The following SETD7 variants were observed in gnomAD, a reference collection of about 807,000 sequenced individuals.
SETD7 encodes histone-lysine N-methyltransferase SETD7.
In SETD7, 16 loss-of-function variants were observed where a neutral mutation model predicts 41.8. That is an observed-to-expected ratio of 0.38 (90% CI 0.26 to 0.58). The LOEUF is 0.58. Ranked by LOEUF, SETD7 falls within the 20% of genes least tolerant of loss-of-function variation. The probability of loss-of-function intolerance (pLI) is 0.64; values close to 1 mark genes in which losing one functional copy is unlikely to be tolerated. For missense variants in SETD7, 346 were observed against 459.7 expected (o/e 0.75, Z 2.26); for synonymous variants, 163 against 169.7 (o/e 0.96, Z 0.31).
intron 4 of SETD7, among the ~76,000 whole-genome samples, chr4:139,528,672 T>C (rs1257983633): frequency 6.6e-6 from 1 of 152,220 alleles, no homozygotes; most frequent in Non-Finnish European, 1.5e-5. Flanking sequence ...TATCTGCTTA[T>C]GCTCTGACAC....
At chr4:139,549,756 C>T (rs993503379) in intron 1 of SETD7, among the ~76,000 whole-genome samples, 40 of 152,018 alleles carry the variant, frequency 2.6e-4, no homozygotes, top group African/African-American at 8.9e-4. Flanking sequence ...AGGTAGACAT[C>T]ACCACAACTG....
At chr4:139,504,293 G>A (rs1726651976), downstream of SETD7, among the ~76,000 whole-genome samples, 1 of 152,042 alleles carries the variant, frequency 6.6e-6, no homozygotes, top group Admixed American at 6.6e-5. Flanking sequence ...CCTGGCTTTT[G>A]GTTTTTGTAA....
intron 3 of SETD7, among the ~76,000 whole-genome samples, chr4:139,531,187 TA>T (rs1321955720): frequency 6.6e-6 from 1 of 152,196 alleles, no homozygotes; most frequent in Non-Finnish European, 1.5e-5. Context: ...TTTAATATGA[TA>T]ATCAAGGCTA....
At chr4:139,537,797 T>C (rs1579218786) in intron 2 of SETD7, among the ~76,000 whole-genome samples, 1 of 152,370 alleles carries the variant, frequency 6.6e-6, no homozygotes, top group Non-Finnish European at 1.5e-5. Flanking sequence ...AGCATTCTTA[T>C]ATGAATTCGA....
Position 139,510,027 on chromosome 4 carries a change from T to C in SETD7, c.*1636A>G. 1 of 263,786 alleles carries C rather than the reference T, an allele frequency of 3.8e-6. No individual in the cohort carries two copies. Among genetic ancestry groups the C allele is most frequent in the Non-Finnish European group, 5.9e-6 (1 of 170,024 alleles). 16.3% of individuals were successfully genotyped at this position (263,786 alleles called of 1,614,324 possible). ...CAAGGGCCACCTGAAATGAAAGTCA[T>C]GAGCAGCCTGGGATTAAGCACTTTT... On this transcript the variant is annotated 3_prime_UTR_variant, in exon 8 of 8. Coordinates refer to ENST00000274031, the MANE Select transcript of SETD7 (RefSeq NM_030648.4).
chr4:139,502,402 G>A (rs143851253), downstream of SETD7, among the ~76,000 whole-genome samples: 23 of 152,324 alleles, frequency 1.5e-4, no homozygotes, highest in Non-Finnish European at 2.9e-4. Context: ...GGTGGTCAAT[G>A]AAGTCCTCAT....
At position 139,553,240 on chromosome 4, in the gene SETD7, A is replaced by G. The variant is rs75638892; in HGVS notation, c.40+2858T>C. Among the ~76,000 whole-genome samples, 468 of 152,334 alleles carry G rather than the reference A, an allele frequency of 3.1e-3. 3 individuals are homozygous for G. The highest frequency in any genetic ancestry group is 0.011 in the African/African-American group (441 of 41,584). Reference sequence around the variant, plus strand: ...AGAGAACCAAATGCACATGATATATAAGACATTTAAACTCAATCCTGAAGA... The same window carrying G: ...AGAGAACCAAATGCACATGATATATGAGACATTTAAACTCAATCCTGAAGA... On this transcript the variant is annotated intron_variant, in intron 1 of 7. Coordinates refer to ENST00000274031, the MANE Select transcript of SETD7 (RefSeq NM_030648.4).
At chr4:139,542,989 T>C (rs773073512) in intron 2 of SETD7, among the ~76,000 whole-genome samples, 1 of 152,248 alleles carries the variant, frequency 6.6e-6, no homozygotes, top group Non-Finnish European at 1.5e-5. Flanking sequence ...CACTGTGATT[T>C]TCCTTGTCTC....
chr4:139,554,213 C>T (rs1165106455), intron 1 of SETD7, among the ~76,000 whole-genome samples: 1 of 152,196 alleles, frequency 6.6e-6, no homozygotes, highest in Non-Finnish European at 1.5e-5. Flanking sequence ...CATAATTACC[C>T]TATAAAACAA....
intron 2 of SETD7, among the ~76,000 whole-genome samples, chr4:139,536,694 A>G (rs1418773195): frequency 6.6e-6 from 1 of 151,304 alleles, no homozygotes; most frequent in East Asian, 2.0e-4. Flanking sequence ...CCTGGGTGAC[A>G]GCGAGACTCT....
At chr4:139,500,101 G>A (rs1314901069) in intron 7 of SETD7, among the ~76,000 whole-genome samples, 1 of 152,120 alleles carries the variant, frequency 6.6e-6, no homozygotes, top group Admixed American at 6.5e-5. Flanking sequence ...CAATTAATCT[G>A]CCTTTTGATT....
At chr4:139,521,434 A>G (rs1298081305) in intron 5 of SETD7, among the ~76,000 whole-genome samples, 2 of 152,148 alleles carry the variant, frequency 1.3e-5, no homozygotes, top group African/African-American at 4.8e-5. Flanking sequence ...CTTAAAAAAA[A>G]AAAAGAAAAA....
At chr4:139,520,117 A>G (rs1727138906) in intron 6 of SETD7, among the ~76,000 whole-genome samples, 160 bp downstream of exon 6, 1 of 152,210 alleles carries the variant, frequency 6.6e-6, no homozygotes, top group South Asian at 2.1e-4. Flanking sequence ...AAAAAATCGT[A>G]TTAAGGCTTA....
chr4:139,523,268 G>A (rs1022120121), intron 5 of SETD7, 86 bp downstream of exon 5: 1 of 960,916 alleles, frequency 1.0e-6, no homozygotes, highest in Non-Finnish European at 1.6e-6. Context: ...CCTGGGCAGA[G>A]AGCCAAAGAG....
chr4:139,530,855 C>T (rs1035079296), intron 3 of SETD7, among the ~76,000 whole-genome samples: 120 of 152,236 alleles, frequency 7.9e-4, no homozygotes, highest in African/African-American at 2.6e-3. Context: ...GAAAGAAATA[C>T]ACTGTCCTTA....
At chr4:139,505,259 A>G (rs764981041), downstream of SETD7, among the ~76,000 whole-genome samples, 5 of 152,154 alleles carry the variant, frequency 3.3e-5, no homozygotes, top group Non-Finnish European at 5.9e-5. Flanking sequence ...ATGAGGTACT[A>G]TGTTGACTCC....
chr4:139,554,183 T>A (rs1728192693), intron 1 of SETD7, among the ~76,000 whole-genome samples: 1 of 152,238 alleles, frequency 6.6e-6, no homozygotes, highest in Admixed American at 6.5e-5. Context: ...AAGGGGGTTC[T>A]GATTTTGGAC....
intron 2 of SETD7, among the ~76,000 whole-genome samples, chr4:139,539,815 A>G (rs1020423797): frequency 4.6e-5 from 7 of 152,210 alleles, no homozygotes; most frequent in African/African-American, 1.7e-4. Context: ...ATAAAAAGAT[A>G]TTAGAAAGCT....
intron 6 of SETD7, among the ~76,000 whole-genome samples, chr4:139,519,558 G>A (rs1331462686): frequency 6.6e-6 from 1 of 152,232 alleles, no homozygotes; most frequent in Non-Finnish European, 1.5e-5. Flanking sequence ...TGCTTTGAAA[G>A]TGTAATAACT....
Sources: gnomAD v4.1 joint callset for allele counts (sites outside exome capture counted in the v4.1 genomes callset) on GRCh38, gnomAD v4.1.1 for gene constraint, MANE v1.5 for transcripts, NCBI Gene and HGNC (gene_info 2026-07-23, HGNC 2026-07-21) for gene names.